ABR: variants seen among roughly 807,000 people sequenced by gnomAD.
ABR encodes active breakpoint cluster region-related protein.
ABR carries 35 observed loss-of-function variants against 107.2 expected under a neutral mutation model. That is an observed-to-expected ratio of 0.33 (90% CI 0.25 to 0.43). The LOEUF is 0.43. ABR is among the 20% of genes least tolerant of loss of function. The pLI is 1.00. For missense variants in ABR, 815 were observed against 1,115.2 expected, an observed-to-expected ratio of 0.73 and a Z score of 3.83; for synonymous variants, 498 against 462.0, an observed-to-expected ratio of 1.08 and a Z score of -1.00.
chr17:1,173,174 A>ACCCC (rs1437930541), intron 1 of ABR, among the ~76,000 whole-genome samples: 1 of 83,614 alleles, frequency 1.2e-5, no homozygotes, highest in Non-Finnish European at 2.3e-5. Flanking sequence ...ACCTCAGTCC[A>ACCCC]CCCAACACAT....
rs1240762024 is a variant in ABR, at chr17:1,154,454, AC to A, written c.61+25212del. ...CATAAAGCCCAGAATCCTCCTGCAA[AC>A]CAAAATATCTCCATGGTGCCGGCCA... On this transcript the variant is annotated intron_variant, in intron 1 of 22. Coordinates refer to ENST00000302538, the MANE Select transcript of ABR (RefSeq NM_021962.5). This position sits in a 1 kb window ranked among gnomAD's most constrained non-coding sequence, Gnocchi z 4.0. The A allele has an allele frequency of 4.6e-5, 7 of 152,424 alleles. No homozygotes were observed. The highest frequency in any genetic ancestry group is 1.7e-4 in the African/African-American group (7 of 41,390). The allele number at this position is 152,424 out of a possible 1,614,324, so 9.4% of individuals were successfully genotyped here. A position where few individuals can be genotyped will look rare whatever the true frequency, so the allele number is the denominator to read the frequency against.
At chr17:1,018,951 G>A (rs1209922333) in intron 16 of ABR, among the ~76,000 whole-genome samples, 1 of 152,170 alleles carries the variant, frequency 6.6e-6, no homozygotes, top group East Asian at 1.9e-4. Flanking sequence ...AGTCAGAGCT[G>A]GGGTTCAAAA....
chr17:1,116,654 G>A (rs1377318137), intron 2 of ABR, among the ~76,000 whole-genome samples: 8 of 152,180 alleles, frequency 5.3e-5, no homozygotes, highest in Non-Finnish European at 7.4e-5. Flanking sequence ...CAAGGCACTA[G>A]TCTACCTACT....
At position 1,027,390 on chromosome 17, in the gene ABR, C is replaced by T. The variant is rs1398203041; in HGVS notation, c.1792-14226G>A. ...ATGTCTGCAGCCCCCTCTGAAGTCGCACACAGTGTGTGCATGGGGTGGCTC... is the reference window on the plus strand; with the variant it reads ...ATGTCTGCAGCCCCCTCTGAAGTCGTACACAGTGTGTGCATGGGGTGGCTC... On this transcript the variant is annotated intron_variant, in intron 16 of 22. Coordinates refer to ENST00000302538, the MANE Select transcript of ABR (RefSeq NM_021962.5). This position sits in a 1 kb window ranked among gnomAD's most constrained non-coding sequence, Gnocchi z 4.7. Among the ~76,000 whole-genome samples the T allele has an allele frequency of 6.6e-6, 1 of 152,224 alleles. No homozygotes were observed. Among genetic ancestry groups the T allele is most frequent in the East Asian group, 1.9e-4 (1 of 5,196 alleles).
At chr17:1,115,875 C>T (rs573464194) in intron 2 of ABR, among the ~76,000 whole-genome samples, 2 of 151,070 alleles carry the variant, frequency 1.3e-5, no homozygotes, top group South Asian at 2.1e-4. Context: ...TGCAGTGAGC[C>T]GAGATCACAC....
intron 1 of ABR, among the ~76,000 whole-genome samples, chr17:1,168,311 A>G (rs1301737984): frequency 6.6e-6 from 1 of 152,154 alleles, no homozygotes; most frequent in Non-Finnish European, 1.5e-5. Context: ...AAAAAAAAAG[A>G]TAAGAAAGTG....
chr17:1,195,941 C>A (rs1411654209), intron 1 of ABR, among the ~76,000 whole-genome samples: 1 of 150,692 alleles, frequency 6.6e-6, no homozygotes, highest in Non-Finnish European at 1.5e-5. Flanking sequence ...CGAGCCTGGG[C>A]AACATGGCAA....
chr17:1,014,268 C>G (rs1426862657), intron 16 of ABR, among the ~76,000 whole-genome samples: 1 of 150,454 alleles, frequency 6.6e-6, no homozygotes, highest in Non-Finnish European at 1.5e-5. Flanking sequence ...GGTGAAACCC[C>G]GTCTCTACTA....
At chr17:1,136,959 G>T (rs144442663) in intron 1 of ABR, among the ~76,000 whole-genome samples, 1 of 151,950 alleles carries the variant, frequency 6.6e-6, no homozygotes, top group East Asian at 1.9e-4. Flanking sequence ...TCCGCTTCCA[G>T]CCTATCTTGG....
At position 1,012,777 on chromosome 17, in the gene ABR, C is replaced by A; in HGVS notation, c.1872G>T (p.Met624Ile). ...GGCTCATATCTCGGCTGGTGAATTT[C>A]ATGGAAAATTCCACTTTGATCTGGT... The part of the protein sequence containing the change: ...EMNGIKVEFS[M>I]KFTSRDMSLK... Residue 624 changes from methionine (M) to isoleucine (I), a missense_variant, in exon 18 of 23, where the codon ATG becomes ATT. Met to Ile is a conservative substitution (Grantham distance 10). Transcript: ENST00000302538. 1 of 1,589,762 alleles carries A rather than the reference C, an allele frequency of 6.3e-7. No individual in the cohort carries two copies.
intron 1 of ABR, among the ~76,000 whole-genome samples, chr17:1,166,346 C>T (rs2041506362): frequency 6.6e-6 from 1 of 152,040 alleles, no homozygotes; most frequent in Admixed American, 6.6e-5. Context: ...GATACTCAAG[C>T]AGGTGACATT....
chr17:1,090,320 C>T (rs958720636), intron 4 of ABR, among the ~76,000 whole-genome samples: 10 of 152,152 alleles, frequency 6.6e-5, no homozygotes, highest in Admixed American at 3.9e-4. Context: ...GGAGCCTGAC[C>T]TTCATCCGAG....
chr17:1,095,199 C>T (rs1001915521), intron 3 of ABR, among the ~76,000 whole-genome samples: 15 of 152,172 alleles, frequency 9.9e-5, no homozygotes, highest in African/African-American at 2.9e-4. Context: ...AGCCGCGACG[C>T]GCTCATCTGC....
intron 4 of ABR, 175 bp from the exon 5 acceptor site, chr17:1,083,802 T>C (rs373897212): frequency 1.0e-5 from 6 of 594,294 alleles, no homozygotes; most frequent in African/African-American, 1.9e-5. Flanking sequence ...CCCTTTGAAC[T>C]GGACAGTTTC....
intron 10 of ABR, among the ~76,000 whole-genome samples, chr17:1,065,634 A>C (rs1460568626): frequency 6.6e-6 from 1 of 151,958 alleles, no homozygotes; most frequent in African/African-American, 2.4e-5. Flanking sequence ...ATCCATGGGT[A>C]CTGGTATGTA....
intron 2 of ABR, among the ~76,000 whole-genome samples, chr17:1,105,400 T>C (rs770575229): frequency 5.3e-5 from 8 of 152,166 alleles, no homozygotes; most frequent in Non-Finnish European, 7.3e-5. Flanking sequence ...TTAAAATATA[T>C]ACTTAACCAT....
chr17:1,169,714 A>G (rs758957365), intron 1 of ABR, among the ~76,000 whole-genome samples: 4 of 152,174 alleles, frequency 2.6e-5, no homozygotes, highest in Non-Finnish European at 4.4e-5. Context: ...TCTGCAGCCC[A>G]GCAGGCCCTG....
intron 16 of ABR, among the ~76,000 whole-genome samples, chr17:1,032,914 G>C (rs1161502975): frequency 1.3e-5 from 2 of 152,176 alleles, no homozygotes; most frequent in African/African-American, 2.4e-5. Flanking sequence ...CCGCGAACCA[G>C]GTCTTTCAAA....
rs563277622 is a variant in ABR at position 1,098,428 on chromosome 17, C to A, written c.345+2209G>T. Among the ~76,000 whole-genome samples the A allele has an allele frequency of 3.5e-3, 529 of 152,272 alleles. 2 individuals are homozygous for A. Among genetic ancestry groups the A allele is most frequent in the Non-Finnish European group, 5.1e-3 (350 of 68,006 alleles). On this transcript the variant is annotated intron_variant, in intron 3 of 22. Transcript: ENST00000302538. ...CAGGTGTAAGACACCATGGGCCCGG[C>A]AATTACATATATATACAGGCACACA...
Sources: allele counts gnomAD v4.1 joint callset (sites outside exome capture counted in the v4.1 genomes callset), GRCh38; gene constraint gnomAD v4.1.1; non-coding constraint Gnocchi (gnomAD v3.1); transcripts MANE v1.5; gene names NCBI Gene and HGNC (gene_info 2026-07-23, HGNC 2026-07-21).